Variants in SOX5 observed in about 807,000 individuals in gnomAD.
SOX5 encodes the protein transcription factor SOX-5.
SOX5 carries 9 observed loss-of-function variants against 92.0 expected under a neutral mutation model. The observed-to-expected ratio is 0.10, with a 90% CI of 0.06 to 0.17. The LOEUF (loss-of-function observed/expected upper bound fraction) is 0.17. Among genes scored for constraint, SOX5 ranks in the 10% least tolerant of loss-of-function variants. SOX5 has a pLI of 1.00. For missense variants in SOX5, 642 were observed against 944.5 expected (o/e 0.68, Z 4.20); for synonymous variants, 344 against 336.3 (o/e 1.02, Z -0.25).
intron 2 of SOX5, among the ~76,000 whole-genome samples, chr12:24,341,639 A>G (rs1952586474): frequency 6.6e-6 from 1 of 152,238 alleles, no homozygotes; most frequent in Admixed American, 6.5e-5. Flanking sequence ...CAAATCCTGC[A>G]AATAACATTT....
intron 1 of SOX5, among the ~76,000 whole-genome samples, chr12:24,376,919 C>G (rs990343919): frequency 1.3e-5 from 2 of 151,006 alleles, no homozygotes; most frequent in African/African-American, 4.9e-5. Context: ...CCATGTTGCC[C>G]AGGCTGGTTT....
upstream of SOX5, among the ~76,000 whole-genome samples, chr12:23,955,769 C>A (rs771959322): frequency 6.6e-6 from 1 of 151,774 alleles, no homozygotes; most frequent in Non-Finnish European, 1.5e-5. Context: ...ATCCATATAA[C>A]CCATAAGAAG....
intron 3 of SOX5, among the ~76,000 whole-genome samples, chr12:24,270,569 T>C (rs1943598288): frequency 6.6e-6 from 1 of 152,194 alleles, no homozygotes; most frequent in Non-Finnish European, 1.5e-5. Flanking sequence ...GTTTAACACA[T>C]AGTAATAAAG....
intron 2 of SOX5, among the ~76,000 whole-genome samples, chr12:23,891,096 A>ATATATG (rs1188736982): frequency 1.3e-5 from 2 of 152,222 alleles, no homozygotes. Context: ...TATTTTGTGA[A>ATATATG]TATATGTATA....
At chr12:24,204,397 C>T (rs1056496836) in intron 4 of SOX5, among the ~76,000 whole-genome samples, 4 of 151,756 alleles carry the variant, frequency 2.6e-5, no homozygotes, top group Admixed American at 6.6e-5. Flanking sequence ...GGCACAATTC[C>T]GGCTCACTGC....
At chr12:23,794,467 A>G (rs1218685654) in intron 3 of SOX5, among the ~76,000 whole-genome samples, 1 of 152,120 alleles carries the variant, frequency 6.6e-6, no homozygotes, top group Non-Finnish European at 1.5e-5. Context: ...ATGAAATGAC[A>G]TAAGGTAACT....
chr12:23,843,496 G>A (rs2096540874), intron 3 of SOX5, among the ~76,000 whole-genome samples: 1 of 139,232 alleles, frequency 7.2e-6, no homozygotes, highest in Admixed American at 7.3e-5. Context: ...TAAAGTGAAT[G>A]TATAAATTAC....
At chr12:23,559,852 C>T (rs777969514) in intron 11 of SOX5, among the ~76,000 whole-genome samples, 67 of 152,168 alleles carry the variant, frequency 4.4e-4, no homozygotes, top group South Asian at 1.9e-3. Flanking sequence ...TTTCTTTCTG[C>T]TTTATCTCTC....
chr12:24,138,598 G>A (rs1029135011), intron 4 of SOX5, among the ~76,000 whole-genome samples: 1 of 152,152 alleles, frequency 6.6e-6, no homozygotes, highest in Non-Finnish European at 1.5e-5. Flanking sequence ...GAGGTTGGTG[G>A]GGGATGGGTA....
At chr12:24,549,430 A>T (rs551537211) in intron 1 of SOX5, among the ~76,000 whole-genome samples, 1 of 152,240 alleles carries the variant, frequency 6.6e-6, no homozygotes, top group Admixed American at 6.5e-5. Context: ...CAAAACAAAA[A>T]GAGAAAGCAA....
chr12:23,987,649 C>T (rs1343039102), intron 4 of SOX5, among the ~76,000 whole-genome samples: 1 of 152,094 alleles, frequency 6.6e-6, no homozygotes, highest in East Asian at 1.9e-4. Context: ...AAAAATTAGC[C>T]AGGCATGGTG....
chr12:24,391,181 T>C (rs1255603052), intron 1 of SOX5, among the ~76,000 whole-genome samples: 1 of 152,142 alleles, frequency 6.6e-6, no homozygotes, highest in Admixed American at 6.5e-5. Context: ...ATTAGTGATG[T>C]TGAACATTTT....
chr12:24,098,867 G>A (rs948831632), intron 4 of SOX5, among the ~76,000 whole-genome samples: 7 of 152,114 alleles, frequency 4.6e-5, no homozygotes, highest in South Asian at 2.1e-4. Flanking sequence ...TCAGACTGGC[G>A]CTAGCCCTGG....
chr12:23,982,007 A>T lies in SOX5; in HGVS notation c.-1-85983T>A, dbSNP rs563744113. 1.5e-3 allele frequency among the ~76,000 whole-genome samples: 235 copies of T among 152,298 alleles called. 1 individual carries two copies. In the South Asian group the frequency reaches 0.017, roughly 11 times the overall value. ...GTGGGTAACCTAGAAGACAAAGACC[A>T]TATCATTTTCTATATGTGATCAACA... is the stretch of plus-strand genomic sequence containing the variant. On this transcript the variant is annotated intron_variant, in intron 4 of 4. Coordinates refer to the SOX5 transcript ENST00000446891.
intron 3 of SOX5, among the ~76,000 whole-genome samples, chr12:23,758,109 CTG>C (rs2094456021): frequency 6.7e-6 from 1 of 149,146 alleles, no homozygotes; most frequent in African/African-American, 2.5e-5. Flanking sequence ...GTTGTCATGT[CTG>C]TGGATGAATA....
At chr12:24,257,391 C>T (rs1379689830) in intron 3 of SOX5, among the ~76,000 whole-genome samples, 5 of 152,064 alleles carry the variant, frequency 3.3e-5, no homozygotes, top group Admixed American at 6.5e-5. Flanking sequence ...CAAAATTGTT[C>T]CAGGTGATTT....
chr12:24,327,840 C>T (rs1387925158), intron 2 of SOX5, among the ~76,000 whole-genome samples: 1 of 151,848 alleles, frequency 6.6e-6, no homozygotes, highest in Non-Finnish European at 1.5e-5. Context: ...GATCCGCCCG[C>T]CTCAGCCTCC....
chr12:24,270,208 C>A (rs1422756972), intron 3 of SOX5, among the ~76,000 whole-genome samples: 2 of 151,902 alleles, frequency 1.3e-5, no homozygotes, highest in Admixed American at 6.6e-5. Context: ...TTACAGGCAC[C>A]CACCATCACA....
intron 8 of SOX5, among the ~76,000 whole-genome samples, chr12:23,637,232 G>A (rs1296228723): frequency 6.6e-6 from 1 of 152,114 alleles, no homozygotes; most frequent in Non-Finnish European, 1.5e-5. Flanking sequence ...TCCTCCAACT[G>A]GTCTTCCTAC....
Sources: allele counts gnomAD v4.1 joint callset (sites outside exome capture counted in the v4.1 genomes callset), GRCh38; gene constraint gnomAD v4.1.1; transcripts MANE v1.5; gene names NCBI Gene and HGNC (gene_info 2026-07-23, HGNC 2026-07-21).